LCP2: variants seen among roughly 807,000 people sequenced by gnomAD.
LCP2 encodes the protein 76 kDa tyrosine phosphoprotein.
Under a neutral mutation model 74.5 loss-of-function variants are expected in LCP2, and 29 were observed. That is an observed-to-expected ratio of 0.39 (90% CI 0.29 to 0.53). LCP2 has a LOEUF of 0.53. Ranked by LOEUF, LCP2 falls within the 20% of genes least tolerant of loss-of-function variation. The pLI, the probability that LCP2 is intolerant of heterozygous loss-of-function variation, is 0.72. For missense variants in LCP2, 604 were observed against 634.6 expected, an observed-to-expected ratio of 0.95 and a Z score of 0.52; for synonymous variants, 228 against 229.5, an observed-to-expected ratio of 0.99 and a Z score of 0.06.
chr5:170,272,562 G>A (rs146986640), intron 6 of LCP2, among the ~76,000 whole-genome samples: 42 of 138,136 alleles, frequency 3.0e-4, no homozygotes, highest in African/African-American at 1.1e-3. Flanking sequence ...TAGACTAAAT[G>A]AGATCGGTTA....
At chr5:170,264,451 A>G (rs1490681811) in intron 10 of LCP2, among the ~76,000 whole-genome samples, 2 of 152,252 alleles carry the variant, frequency 1.3e-5, no homozygotes, top group African/African-American at 2.4e-5. Context: ...TATTTTCACA[A>G]CGTGATTTAT....
intron 9 of LCP2, 35 bp downstream of exon 9, chr5:170,266,974 G>A: frequency 1.2e-6 from 2 of 1,612,824 alleles, no homozygotes; most frequent in East Asian, 2.2e-5. Context: ...GTGCCTGGTG[G>A]GAACAGGGCA....
chr5:170,262,766 T>C (rs774028154), intron 12 of LCP2, 24 bp from the exon 13 acceptor site: 24 of 1,613,380 alleles, frequency 1.5e-5, no homozygotes, highest in Non-Finnish European at 1.9e-5. Context: ...GAAAAGGATG[T>C]GTAAGAAACA....
At chr5:170,289,288 C>T (rs1349096276) in intron 2 of LCP2, among the ~76,000 whole-genome samples, 1 of 152,218 alleles carries the variant, frequency 6.6e-6, no homozygotes, top group East Asian at 1.9e-4. Flanking sequence ...GGTGGGGAAG[C>T]AGCAGGGGTC....
At chr5:170,286,433 G>T (rs923627591) in intron 3 of LCP2, among the ~76,000 whole-genome samples, 1 of 152,198 alleles carries the variant, frequency 6.6e-6, no homozygotes, top group Non-Finnish European at 1.5e-5. Flanking sequence ...TGTGTGGAAA[G>T]TTCCCTCTTT....
At position 170,273,041 on chromosome 5, in the gene LCP2, T is replaced by TAAAA. The variant is rs10675735; in HGVS notation, c.324+1256_324+1259dup. Among the ~76,000 whole-genome samples, 209 of 147,614 alleles carry TAAAA rather than the reference T, an allele frequency of 1.4e-3. 1 individual carries two copies. Among genetic ancestry groups the TAAAA allele is most frequent in the African/African-American group, 2.0e-3 (78 of 39,808 alleles). On this transcript the variant is annotated intron_variant, in intron 6 of 20. Coordinates refer to ENST00000046794, the MANE Select transcript of LCP2 (RefSeq NM_005565.5). ...TCACTGTTTGCTCAAATAAACTCCT[T>TAAAA]AAAAAAAAAAAAAAATTGCATTGTG... is the stretch of plus-strand genomic sequence containing the variant.
rs759557827 is a variant in LCP2 at position 170,256,493 on chromosome 5, C to G, written c.1150+33G>C. On this transcript the variant is annotated intron_variant, in intron 17 of 20. Coordinates refer to ENST00000046794, the MANE Select transcript of LCP2 (RefSeq NM_005565.5). This position sits in a 1 kb window ranked among gnomAD's most constrained non-coding sequence, Gnocchi z 4.5. ...GGATCCAGTCATAAAGGCTTGATGGCTGAAGCACGTCACAAAAGCCCAGAG... is the reference window on the plus strand; with the variant it reads ...GGATCCAGTCATAAAGGCTTGATGGGTGAAGCACGTCACAAAAGCCCAGAG... The G allele has an allele frequency of 4.4e-6, 7 of 1,588,680 alleles. No homozygotes were observed. The South Asian group carries it at 7.7e-5, about 18-fold the overall frequency.
intron 4 of LCP2, 37 bp downstream of exon 4, chr5:170,275,758 G>C (rs1423295625): frequency 3.9e-6 from 6 of 1,541,136 alleles, no homozygotes; most frequent in Non-Finnish European, 5.3e-6. Context: ...ACTCGGGACT[G>C]AAAAATCTTG....
chr5:170,286,929 T>C (rs978505528), intron 3 of LCP2, among the ~76,000 whole-genome samples: 1 of 152,234 alleles, frequency 6.6e-6, no homozygotes, highest in African/African-American at 2.4e-5. Context: ...ACACAGACTA[T>C]ATGTAGCCCT....
In LCP2 at chr5:170,250,895, CA is replaced by C. The variant is rs1278821038; in HGVS notation, c.1324-11del. The C allele has an allele frequency of 1.2e-5, 20 of 1,611,738 alleles. No homozygotes were observed. Among genetic ancestry groups the C allele is most frequent in the Non-Finnish European group, 1.7e-5 (20 of 1,178,508 alleles). On this transcript the variant is annotated splice_polypyrimidine_tract_variant and intron_variant, in intron 19 of 20. Coordinates refer to ENST00000046794, the MANE Select transcript of LCP2 (RefSeq NM_005565.5). ...CCAGAAATGTGCCATCCTAAAAAGA[CA>C]AATTCCTGTTATTATGGGAGCAGTA...
Position 170,256,725 on chromosome 5 carries a change from GACAGAAC to G in LCP2, c.1101-157_1101-151del. ...CAAAACCATGGGGGCTGGGCACAGG[GACAGAAC>G]ACAGCACACAGGGAATGGAACTACA... On this transcript the variant is annotated intron_variant, in intron 16 of 20. Transcript: ENST00000046794. This position sits in a 1 kb window ranked among gnomAD's most constrained non-coding sequence, Gnocchi z 4.5. 1 of 666,494 alleles carries G rather than the reference GACAGAAC, an allele frequency of 1.5e-6. No homozygotes were observed. Among genetic ancestry groups the G allele is most frequent in the South Asian group, 1.6e-5 (1 of 60,650 alleles). 41.3% of individuals were successfully genotyped at this position (666,494 alleles called of 1,614,324 possible). A position where few individuals can be genotyped will look rare whatever the true frequency, so the allele number is the denominator to read the frequency against.
intron 6 of LCP2, among the ~76,000 whole-genome samples, chr5:170,272,592 A>ATCTTC (rs1761913008): frequency 2.9e-5 from 1 of 34,312 alleles, no homozygotes; most frequent in African/African-American, 8.9e-5. Flanking sequence ...CCCATCAAAT[A>ATCTTC]TTTTCTTTTT....
In LCP2 at chr5:170,248,431, T is replaced by A. The variant is rs1761348338; in HGVS notation, c.*266A>T. 1 of 298,940 alleles carries A rather than the reference T, an allele frequency of 3.3e-6. No homozygotes were observed. Among genetic ancestry groups the A allele is most frequent in the African/African-American group, 2.3e-5 (1 of 43,774 alleles). The allele number at this position is 298,940 out of a possible 1,614,324, so 18.5% of individuals were successfully genotyped here. Reference sequence around the variant, plus strand: ...TTGAAATGGGCATTAAATAATCTTTTAAAAAATGAATTATTACAGTGCACT... The same window carrying A: ...TTGAAATGGGCATTAAATAATCTTTAAAAAAATGAATTATTACAGTGCACT... On this transcript the variant is annotated 3_prime_UTR_variant, in exon 21 of 21. Coordinates refer to ENST00000046794, the MANE Select transcript of LCP2 (RefSeq NM_005565.5).
At position 170,270,840 on chromosome 5, in the gene LCP2, C is replaced by T. The variant is rs1359280759; in HGVS notation, c.402G>A (p.Glu134=). Reference sequence around the variant, plus strand: ...CGTCATCTTCCACGGGTGCCTCTTCCTCCTCATTGGGGGACTCATAGTCTC... The same window carrying T: ...CGTCATCTTCCACGGGTGCCTCTTCTTCCTCATTGGGGGACTCATAGTCTC... ...DDGDYESPNE[E]EEAPVEDDAD... Residue 134 remains glutamate, a synonymous_variant, in exon 7 of 21, where the codon GAG becomes GAA. Coordinates refer to ENST00000046794, the MANE Select transcript of LCP2 (RefSeq NM_005565.5). The T allele has an allele frequency of 6.2e-6, 10 of 1,612,458 alleles. No homozygotes were observed. The highest frequency in any genetic ancestry group is 1.3e-5 in the African/African-American group (1 of 74,886).
In LCP2 at chr5:170,250,757, C is replaced by A. The variant is rs754665101; in HGVS notation, c.1452G>T (p.Leu484Phe). 2.1e-5 allele frequency: 34 copies of A among 1,613,384 alleles called. No individual in the cohort carries two copies. The highest frequency in any genetic ancestry group is 1.2e-4 in the South Asian group (11 of 91,082). ...CTTTCCCTCGGAGTCCAGTTCCCAA[C>A]AAGTAAACTTGACTTTCCTTCTGAT... Reference protein sequence around the residue: ...IRYQKESQVYLLGTGLRGKED... With the variant: ...IRYQKESQVYFLGTGLRGKED... The change falls in exon 20 of 21, where the codon TTG becomes TTT. Residue 484 changes from leucine to phenylalanine, a missense_variant. By Grantham distance (22) the Leu-to-Phe change is conservative. Coordinates refer to ENST00000046794, the MANE Select transcript of LCP2 (RefSeq NM_005565.5).
Position 170,248,793 on chromosome 5 carries a change from A to T in LCP2, c.1506T>A (p.Ile502=). ...KEDFLSVSDI[I]DYFRKMPLLL... Reference sequence around the variant, plus strand: ...GAAGTGGCATTTTCCTGAAGTAGTCAATAATATCTGACACAGACAGAAAGT... The same window carrying T: ...GAAGTGGCATTTTCCTGAAGTAGTCTATAATATCTGACACAGACAGAAAGT... The change falls in exon 21 of 21, where the codon ATT becomes ATA. Residue 502 remains isoleucine (I), a synonymous_variant. Coordinates refer to ENST00000046794, the MANE Select transcript of LCP2 (RefSeq NM_005565.5). The T allele has an allele frequency of 6.2e-7, 1 of 1,612,704 alleles. No individual in the cohort carries two copies. The highest frequency in any genetic ancestry group is 8.5e-7 in the Non-Finnish European group (1 of 1,179,180).
At chr5:170,268,598 C>A in intron 7 of LCP2, 116 bp from the exon 8 acceptor site, 1 of 159,020 alleles carries the variant, frequency 6.3e-6, no homozygotes, top group South Asian at 1.5e-4. Context: ...ACCCCCAGGC[C>A]CACATGAGCC....
chr5:170,271,214 C>G (rs1037623257), intron 6 of LCP2, among the ~76,000 whole-genome samples: 2 of 152,142 alleles, frequency 1.3e-5, no homozygotes, highest in Non-Finnish European at 2.9e-5. Context: ...TAGAAGGTAC[C>G]GGAATAGGCT....
intron 1 of LCP2, among the ~76,000 whole-genome samples, chr5:170,295,841 C>A (rs1476223051): frequency 6.6e-6 from 1 of 152,124 alleles, no homozygotes; most frequent in Admixed American, 6.5e-5. Context: ...GAAGAAGGAA[C>A]CTGCCTGGGT....
Sources: allele counts gnomAD v4.1 joint callset (sites outside exome capture counted in the v4.1 genomes callset), GRCh38; gene constraint gnomAD v4.1.1; non-coding constraint Gnocchi (gnomAD v3.1); transcripts MANE v1.5; gene names NCBI Gene and HGNC (gene_info 2026-07-23, HGNC 2026-07-21).